The following PIN1 variants were observed in gnomAD, a reference collection of about 807,000 sequenced individuals.
PIN1 encodes peptidylprolyl cis/trans isomerase, NIMA-interacting 1.
Under a neutral mutation model 19.9 loss-of-function variants are expected in PIN1, and 8 were observed. That is an observed-to-expected ratio of 0.40 (90% CI 0.24 to 0.72). The LOEUF (loss-of-function observed/expected upper bound fraction) is 0.72, where lower values mean the gene tolerates loss of function less well. Ranked by LOEUF, PIN1 falls within the 30% of genes least tolerant of loss-of-function variation. PIN1 has a pLI of 0.37. For missense variants in PIN1, 185 were observed against 226.5 expected (o/e 0.82, Z 1.18); for synonymous variants, 86 against 90.8 (o/e 0.95, Z 0.30).
Position 9,847,247 on chromosome 19 carries a change from G to A in PIN1, c.272-783G>A, listed in dbSNP as rs578042979. ...GTCACTCAGATGCTACTCTGCTGCC[G>A]TCTTGCCCCCTCTGCTGGCAGCCCT... On this transcript the variant is annotated intron_variant, in intron 2 of 3. Coordinates refer to ENST00000247970, the MANE Select transcript of PIN1 (RefSeq NM_006221.4). 2.6e-5 allele frequency among the ~76,000 whole-genome samples: 4 copies of A among 152,266 alleles called. No individual in the cohort carries two copies. In the South Asian group the frequency reaches 6.2e-4, roughly 24 times the overall value.
In PIN1 at chr19:9,849,256, T is replaced by C. The variant is rs889472890; in HGVS notation, c.*57T>C. ...GGGCAGGGCGGCTAGGCCGGCCAGC[T>C]CCCCCTTGCCCGCCAGCCAGTGGCC... On this transcript the variant is annotated 3_prime_UTR_variant, in exon 4 of 4. Coordinates refer to ENST00000247970, the MANE Select transcript of PIN1 (RefSeq NM_006221.4). 4 of 1,194,314 alleles carry C rather than the reference T, an allele frequency of 3.3e-6. No individual in the cohort carries two copies. The highest frequency in any genetic ancestry group is 3.7e-6 in the Non-Finnish European group (3 of 821,676). The allele number at this position is 1,194,314 out of a possible 1,614,324, so 74.0% of individuals were successfully genotyped here.
intron 2 of PIN1, among the ~76,000 whole-genome samples, chr19:9,841,056 G>T (rs1462813964): frequency 2.0e-5 from 3 of 152,214 alleles, no homozygotes; most frequent in Non-Finnish European, 2.9e-5. Flanking sequence ...TGCTGTTGTT[G>T]GTTGTGGTAG....
intron 2 of PIN1, among the ~76,000 whole-genome samples, chr19:9,844,857 C>G (rs1246842464): frequency 6.6e-6 from 1 of 152,200 alleles, no homozygotes; most frequent in East Asian, 1.9e-4. Flanking sequence ...ATTTCTGTCT[C>G]ATTTATTCAT....
intron 2 of PIN1, among the ~76,000 whole-genome samples, 157 bp from the exon 3 acceptor site, chr19:9,847,873 A>AG (rs1258432546): frequency 6.6e-6 from 1 of 152,036 alleles, no homozygotes; most frequent in African/African-American, 2.4e-5. Flanking sequence ...GGTATGTGTG[A>AG]GGAGAGGGGT....
At chr19:9,848,312 A>G (rs1265970080) in intron 3 of PIN1, 172 bp downstream of exon 3, 2 of 610,430 alleles carry the variant, frequency 3.3e-6, no homozygotes, top group Non-Finnish European at 5.9e-6. Context: ...GGGCAGGGCC[A>G]GGGCCACACA....
intron 1 of PIN1, chr19:9,836,906 A>G (rs959016499): frequency 6.5e-6 from 8 of 1,221,620 alleles, no homozygotes; most frequent in African/African-American, 1.6e-5. Flanking sequence ...TCTATACAAT[A>G]GAGATAATAA....
chr19:9,841,772 A>G (rs1216198786), intron 2 of PIN1, among the ~76,000 whole-genome samples: 1 of 152,230 alleles, frequency 6.6e-6, no homozygotes, highest in Admixed American at 6.5e-5. Flanking sequence ...ATGACCCTTC[A>G]GGTCCTCCCA....
At chr19:9,843,704 C>T (rs568188809) in intron 2 of PIN1, among the ~76,000 whole-genome samples, 3 of 152,246 alleles carry the variant, frequency 2.0e-5, no homozygotes, top group East Asian at 1.9e-4. Flanking sequence ...ATTCCCCAGG[C>T]GCATGTGCAC....
In PIN1 at chr19:9,838,534, G is replaced by T. The variant is rs1446045146; in HGVS notation, c.157G>T (p.Ala53Ser). The change falls in exon 2 of 4, where the codon GCC becomes TCC. Residue 53 changes from alanine to serine, a missense_variant. Coordinates refer to ENST00000247970, the MANE Select transcript of PIN1 (RefSeq NM_006221.4). The surrounding 1 kb of genome is among the most constrained non-coding windows in gnomAD (Gnocchi z 5.8). The stretch of plus-strand genomic sequence containing the variant: ...TGGCAAAAACGGGCAGGGGGAGCCT[G>T]CCAGGGTCCGCTGCTCGCACCTGCT... ...SGGKNGQGEP[A>S]RVRCSHLLVK... 1 of 1,594,272 alleles carries T rather than the reference G, an allele frequency of 6.3e-7. No homozygotes were observed. Among genetic ancestry groups the T allele is most frequent in the Non-Finnish European group, 8.5e-7 (1 of 1,172,162 alleles).
intron 2 of PIN1, among the ~76,000 whole-genome samples, chr19:9,844,828 C>G (rs3786695): frequency 0.044 from 6,706 of 152,292 alleles, 307 homozygotes; most frequent in African/African-American, 0.11. Flanking sequence ...ATCCCTGTCT[C>G]CCTCCTTCCC....
chr19:9,841,762 A>G (rs1489379777), intron 2 of PIN1, among the ~76,000 whole-genome samples: 2 of 152,184 alleles, frequency 1.3e-5, no homozygotes, highest in African/African-American at 2.4e-5. Context: ...GAATTGCAAG[A>G]TGACCCTTCA....
intron 2 of PIN1, among the ~76,000 whole-genome samples, chr19:9,840,833 G>A (rs1291391321): frequency 6.6e-6 from 1 of 152,196 alleles, no homozygotes; most frequent in Non-Finnish European, 1.5e-5. Flanking sequence ...CTGGCCTCAA[G>A]TGATCCTTCC....
At chr19:9,837,941 A>C in intron 1 of PIN1, 1 of 193,704 alleles carries the variant, frequency 5.2e-6, no homozygotes, top group Non-Finnish European at 1.1e-5. Flanking sequence ...AGCCCTTTTA[A>C]AAATGTTTAA....
At chr19:9,843,163 G>A (rs992889209) in intron 2 of PIN1, among the ~76,000 whole-genome samples, 4 of 152,366 alleles carry the variant, frequency 2.6e-5, no homozygotes, top group African/African-American at 4.8e-5. Context: ...AGGGCCTGGA[G>A]GGTCCCAGCA....
At chr19:9,836,615 G>A in intron 1 of PIN1, 1 of 324,014 alleles carries the variant, frequency 3.1e-6, no homozygotes, top group Non-Finnish European at 6.2e-6. Flanking sequence ...AGCCTTTGGA[G>A]TGGCACCCAG....
At chr19:9,836,897 C>T (rs1456660814) in intron 1 of PIN1, 1 of 1,260,030 alleles carries the variant, frequency 7.9e-7, no homozygotes, top group Non-Finnish European at 1.0e-6. Flanking sequence ...GTTTTGCCAT[C>T]TATACAATAG....
chr19:9,844,271 A>C (rs1599452974), intron 2 of PIN1, among the ~76,000 whole-genome samples: 2 of 152,300 alleles, frequency 1.3e-5, no homozygotes, highest in African/African-American at 4.8e-5. Context: ...TTAAGCGGTC[A>C]CTGATTCACT....
intron 1 of PIN1, chr19:9,836,723 C>T (rs545965580): frequency 4.1e-6 from 3 of 733,568 alleles, no homozygotes; most frequent in Non-Finnish European, 6.1e-6. Flanking sequence ...TGGTTCCTAG[C>T]TCTGCAACAC....
In PIN1 at chr19:9,849,378, C is replaced by G. The variant is rs1466784743; in HGVS notation, c.*179C>G. On this transcript the variant is annotated 3_prime_UTR_variant, in exon 4 of 4. Coordinates refer to ENST00000247970, the MANE Select transcript of PIN1 (RefSeq NM_006221.4). ...GATTGGGGGCCCTGGGGTCCCCACTCCCTGTCCATCCCCAGTTGGGGCTGC... is the reference window on the plus strand; with the variant it reads ...GATTGGGGGCCCTGGGGTCCCCACTGCCTGTCCATCCCCAGTTGGGGCTGC... 2.8e-6 allele frequency: 2 copies of G among 712,662 alleles called. No individual in the cohort carries two copies. The highest frequency in any genetic ancestry group is 2.6e-5 in the East Asian group (1 of 38,268). 44.1% of individuals were successfully genotyped at this position (712,662 alleles called of 1,614,324 possible).
Sources: gnomAD v4.1 joint callset for allele counts (sites outside exome capture counted in the v4.1 genomes callset) on GRCh38, gnomAD v4.1.1 for gene constraint, Gnocchi (gnomAD v3.1) non-coding constraint, MANE v1.5 for transcripts, NCBI Gene and HGNC (gene_info 2026-07-23, HGNC 2026-07-21) for gene names.